The following SPON1 variants were observed in gnomAD, a reference collection of about 807,000 sequenced individuals.
SPON1 encodes spondin 1, also known as spondin-1.
Under a neutral mutation model 111.7 loss-of-function variants are expected in SPON1, and 52 were observed. That is an observed-to-expected ratio of 0.47 (90% CI 0.37 to 0.59). The LOEUF (loss-of-function observed/expected upper bound fraction) is 0.59. Among genes scored for constraint, SPON1 ranks in the 20% least tolerant of loss-of-function variants. The pLI is 0.00. For missense variants in SPON1, 957 were observed against 1,068.5 expected (o/e 0.90, Z 1.46); for synonymous variants, 410 against 395.8 (o/e 1.04, Z -0.43).
intron 6 of SPON1, among the ~76,000 whole-genome samples, chr11:14,188,353 A>C (rs1232477691): frequency 6.6e-6 from 1 of 152,172 alleles, no homozygotes; most frequent in Non-Finnish European, 1.5e-5. Flanking sequence ...GTCCAGGACT[A>C]TCCTGCCTCT....
intron 2 of SPON1, among the ~76,000 whole-genome samples, chr11:14,022,741 A>C (rs144361679): frequency 6.6e-6 from 1 of 152,214 alleles, no homozygotes; most frequent in Non-Finnish European, 1.5e-5. Context: ...AAAATCAAGC[A>C]ATGAATTACT....
intron 2 of SPON1, among the ~76,000 whole-genome samples, chr11:14,037,570 C>T (rs1246652799): frequency 6.7e-6 from 1 of 149,442 alleles, no homozygotes; most frequent in African/African-American, 2.4e-5. Flanking sequence ...ACACCCCTCA[C>T]AAAAATTAAC....
chr11:14,021,446 T>C (rs1223764506), intron 2 of SPON1, among the ~76,000 whole-genome samples: 1 of 152,048 alleles, frequency 6.6e-6, no homozygotes, highest in African/African-American at 2.4e-5. Flanking sequence ...TGTATATTGG[T>C]CTTCAGTATG....
intron 6 of SPON1, among the ~76,000 whole-genome samples, chr11:14,220,509 T>C (rs1848670100): frequency 1.3e-5 from 2 of 152,224 alleles, no homozygotes; most frequent in East Asian, 3.8e-4. Flanking sequence ...TCCCAAATTT[T>C]CTAATTTTTG....
intron 6 of SPON1, among the ~76,000 whole-genome samples, chr11:14,170,799 T>C (rs1554932371): frequency 6.6e-6 from 1 of 152,232 alleles, no homozygotes. Context: ...ATTACGTTTA[T>C]TGATTTTCGT....
chr11:14,166,953 G>A (rs1377956640), intron 6 of SPON1, among the ~76,000 whole-genome samples: 1 of 152,018 alleles, frequency 6.6e-6, no homozygotes, highest in Non-Finnish European at 1.5e-5. Context: ...GTCTGTAGAT[G>A]ACAAAAATAT....
intron 6 of SPON1, among the ~76,000 whole-genome samples, chr11:14,169,664 T>G (rs540615565): frequency 5.9e-5 from 9 of 152,260 alleles, no homozygotes; most frequent in Middle Eastern, 3.4e-3. Context: ...CCATCTTGAA[T>G]TAATTTTTGT....
At chr11:14,224,826 T>C (rs782034832) in intron 6 of SPON1, 2 of 383,312 alleles carry the variant, frequency 5.2e-6, no homozygotes, top group Non-Finnish European at 1.0e-5. Flanking sequence ...AAAATTGGGC[T>C]TTACCCCTAA....
At chr11:14,070,389 A>G (rs549394151) in intron 3 of SPON1, among the ~76,000 whole-genome samples, 1 of 152,324 alleles carries the variant, frequency 6.6e-6, no homozygotes, top group East Asian at 1.9e-4. Context: ...GAAGCAGCTG[A>G]CTAAGGTAAT....
At chr11:14,080,650 G>C (rs1291955900) in intron 5 of SPON1, among the ~76,000 whole-genome samples, 1 of 152,190 alleles carries the variant, frequency 6.6e-6, no homozygotes, top group African/African-American at 2.4e-5. Flanking sequence ...TGAATTCCAT[G>C]ACAGACCTGC....
At chr11:14,149,614 T>G (rs1251521545) in intron 6 of SPON1, among the ~76,000 whole-genome samples, 1 of 152,208 alleles carries the variant, frequency 6.6e-6, no homozygotes, top group African/African-American at 2.4e-5. Flanking sequence ...ACAGAGTAAC[T>G]TCCAGTCCTG....
At chr11:14,262,286 G>T (rs1849194111) in intron 14 of SPON1, among the ~76,000 whole-genome samples, 1 of 152,194 alleles carries the variant, frequency 6.6e-6, no homozygotes, top group African/African-American at 2.4e-5. Flanking sequence ...GCCGCCTTTA[G>T]CTTGTTGACT....
intron 6 of SPON1, among the ~76,000 whole-genome samples, chr11:14,157,844 T>G (rs1847867034): frequency 6.6e-6 from 1 of 152,152 alleles, no homozygotes; most frequent in Non-Finnish European, 1.5e-5. Flanking sequence ...AGTTCTAGAA[T>G]TTTCATTTGA....
intron 2 of SPON1, among the ~76,000 whole-genome samples, chr11:14,030,277 T>C (rs1385469113): frequency 1.3e-5 from 2 of 152,224 alleles, no homozygotes; most frequent in Non-Finnish European, 2.9e-5. Context: ...CGCCTACGCA[T>C]CTTGGCCCAG....
chr11:13,990,373 CTTTTTTTTTTTTTT>C (rs1159719282), intron 2 of SPON1, among the ~76,000 whole-genome samples: 463 of 21,672 alleles, frequency 0.021, 2 homozygotes, highest in African/African-American at 0.055. Flanking sequence ...GCAACTCCTG[CTTTTTTTTTTTTTT>C]TTTTTTTTTT....
In SPON1 at chr11:14,195,696, A is replaced by G. The variant is rs144322169; in HGVS notation, c.826-47636A>G. Reference sequence around the variant, plus strand: ...GCATGCAGAGGCTGCAGAAAGGCCAATTTGAGGATGGACAGTCCTACAAGG... The same window carrying G: ...GCATGCAGAGGCTGCAGAAAGGCCAGTTTGAGGATGGACAGTCCTACAAGG... On this transcript the variant is annotated intron_variant, in intron 6 of 15. Transcript: ENST00000576479. Among the ~76,000 whole-genome samples, 71 of 152,314 alleles carry G rather than the reference A, an allele frequency of 4.7e-4. No individual in the cohort carries two copies. The East Asian group carries it at 0.013, about 28-fold the overall frequency.
At chr11:14,072,832 A>C (rs1277303201) in intron 3 of SPON1, among the ~76,000 whole-genome samples, 2 of 152,114 alleles carry the variant, frequency 1.3e-5, no homozygotes, top group Non-Finnish European at 2.9e-5. Context: ...AGCAGATCTG[A>C]TCATCTTAGT....
At chr11:14,004,154 G>GACACAC (rs150297092) in intron 2 of SPON1, among the ~76,000 whole-genome samples, 5 of 151,054 alleles carry the variant, frequency 3.3e-5, no homozygotes, top group Non-Finnish European at 3.0e-5. Flanking sequence ...TACACACACA[G>GACACAC]ACACACACAC....
chr11:14,217,382 G>C (rs1440952469), intron 6 of SPON1, among the ~76,000 whole-genome samples: 2 of 152,136 alleles, frequency 1.3e-5, no homozygotes, highest in Admixed American at 6.6e-5. Context: ...ATAGCTATTA[G>C]CTTAGGAGGC....
Sources: allele counts gnomAD v4.1 joint callset (sites outside exome capture counted in the v4.1 genomes callset), GRCh38; gene constraint gnomAD v4.1.1; transcripts MANE v1.5; gene names NCBI Gene and HGNC (gene_info 2026-07-23, HGNC 2026-07-21).